KIR3DL1: variants seen among roughly 807,000 people sequenced by gnomAD.
The protein encoded by KIR3DL1 is killer cell immunoglobulin-like receptor 3DL1.
KIR3DL1 carries 50 observed loss-of-function variants against 40.3 expected under a neutral mutation model. The observed-to-expected ratio is 1.24, with a 90% CI of 0.99 to 1.57. The LOEUF is 1.57. Among genes scored for constraint, KIR3DL1 ranks in the 40% most tolerant of loss-of-function variants. The pLI, the probability that KIR3DL1 is intolerant of heterozygous loss-of-function variation, is 0.00. For synonymous variants in KIR3DL1, 257 were observed against 207.2 expected (o/e 1.24, Z -2.07); for missense variants, 661 against 559.9 (o/e 1.18, Z -1.82).
At chr19:54,823,358 T>A (rs547706036) in intron 5 of KIR3DL1, among the ~76,000 whole-genome samples, 1 of 151,344 alleles carries the variant, frequency 6.6e-6, no homozygotes, top group African/African-American at 2.4e-5. Context: ...TTTTAAAGAA[T>A]TTCCATACTT....
At chr19:54,818,335 C>T in exon 3 of KIR3DL1, 1 of 1,603,120 alleles carries the variant, frequency 6.2e-7, no homozygotes, top group Non-Finnish European at 8.5e-7. Context: ...CAAACCCTTC[C>T]TGTCTGCCTG....
intron 6 of KIR3DL1, among the ~76,000 whole-genome samples, chr19:54,825,412 G>C (rs1055100703): frequency 2.7e-5 from 4 of 145,912 alleles, no homozygotes; most frequent in Admixed American, 1.4e-4. Flanking sequence ...GGAAGGGAAG[G>C]GAACATCTGA....
chr19:54,829,184 C>T (rs200761878), intron 6 of KIR3DL1, among the ~76,000 whole-genome samples, 177 bp from the exon 7 acceptor site: 7,401 of 125,110 alleles, frequency 0.059, 597 homozygotes, highest in South Asian at 0.097. Flanking sequence ...CAGCACGTTC[C>T]ATGGTTACTA....
intron 5 of KIR3DL1, among the ~76,000 whole-genome samples, chr19:54,824,479 C>T (rs76248118): frequency 0.28 from 42,686 of 150,382 alleles, 7,142 homozygotes; most frequent in East Asian, 0.5. Flanking sequence ...GAGTTCAAGA[C>T]CAGGCTGGCC....
rs2062004039 is a variant in KIR3DL1 at position 54,828,118 on chromosome 19, C to T, written c.1001-1243C>T. Among the ~76,000 whole-genome samples, 2 of 150,812 alleles carry T rather than the reference C, an allele frequency of 1.3e-5. 1 individual carries two copies. Among genetic ancestry groups the T allele is most frequent in the African/African-American group, 4.9e-5 (2 of 40,488 alleles). ...CCCAGCCTCTGAGGTAGAACAGCAG[C>T]CTAACATGTGTCTCCCGAGATCACA... On this transcript the variant is annotated intron_variant, in intron 6 of 8. Coordinates refer to ENST00000391728, the Ensembl canonical transcript of KIR3DL1.
rs1373067290 is a variant in KIR3DL1, at chr19:54,819,484, T to C, written c.356-229T>C. The stretch of plus-strand genomic sequence containing the variant: ...TACAACAGCCCAAGAGATGAGGCTG[T>C]CTTCACAGTGGCAAGGGAGTCAGGG... On this transcript the variant is annotated intron_variant, in intron 3 of 8. Coordinates refer to ENST00000391728, the Ensembl canonical transcript of KIR3DL1. 2.6e-5 allele frequency among the ~76,000 whole-genome samples: 4 copies of C among 150,974 alleles called. 1 individual carries two copies. Among genetic ancestry groups the C allele is most frequent in the African/African-American group, 9.8e-5 (4 of 40,774 alleles).
rs1026417346 is a variant in KIR3DL1 at position 54,823,766 on chromosome 19, A to G, written c.950-1262A>G. 9.9e-5 allele frequency among the ~76,000 whole-genome samples: 15 copies of G among 151,584 alleles called. 1 individual carries two copies. Among genetic ancestry groups the G allele is most frequent in the African/African-American group, 3.2e-4 (13 of 41,066 alleles). ...CTCCGCCTCCTGAAGTGCCGGAATTACAGGCGTGAGCCACCGGCCTAAAAG... is the reference window on the plus strand; with the variant it reads ...CTCCGCCTCCTGAAGTGCCGGAATTGCAGGCGTGAGCCACCGGCCTAAAAG... On this transcript the variant is annotated intron_variant, in intron 5 of 8. Coordinates refer to ENST00000391728, the Ensembl canonical transcript of KIR3DL1.
rs1456960097 is a variant in KIR3DL1, at chr19:54,830,626, C to G, written c.*351C>G. 5.7e-5 allele frequency: 18 copies of G among 318,202 alleles called. 1 individual carries two copies. The highest frequency in any genetic ancestry group is 3.2e-4 in the African/African-American group (15 of 46,340). 19.7% of individuals were successfully genotyped at this position (318,202 alleles called of 1,614,324 possible). On this transcript the variant is annotated 3_prime_UTR_variant, in exon 9 of 9. Transcript: ENST00000391728. ...AAACATACAAGAGGCTCCCTCTTGA[C>G]GTGGCACTTACCCACGTGCTGTTCC...
chr19:54,829,037 C>T (rs562017742), intron 6 of KIR3DL1, among the ~76,000 whole-genome samples: 1 of 142,966 alleles, frequency 7.0e-6, no homozygotes, highest in East Asian at 2.1e-4. Flanking sequence ...CTCCTTGGGA[C>T]AGCATTGATC....
chr19:54,822,186 T>C lies in KIR3DL1; in HGVS notation c.949+328T>C, dbSNP rs980568882. On this transcript the variant is annotated intron_variant, in intron 5 of 8. Transcript: ENST00000391728. ...TTATCCATTTCCCAGAAGCCCATCA[T>C]GGCCTCTCACCCACACAGAGAGATA... 7.9e-5 allele frequency among the ~76,000 whole-genome samples: 12 copies of C among 151,302 alleles called. 1 individual carries two copies. Among genetic ancestry groups the C allele is most frequent in the Admixed American group, 4.6e-4 (7 of 15,200 alleles).
Position 54,819,840 on chromosome 19 carries a change from TAA to T in KIR3DL1, c.484_485del (p.Lys162GlyfsTer11). 2.5e-6 allele frequency: 4 copies of T among 1,611,970 alleles called. No homozygotes were observed. In the African/African-American group the frequency reaches 5.4e-5, roughly 22 times the overall value. ...TCTTTCTGCACAAAGAGGGGATCTC[TAA>T]GGACCCCTCACGCCTCGTTGGACAG... On this transcript the variant is annotated frameshift_variant, in exon 4 of 9. Coordinates refer to ENST00000391728, the Ensembl canonical transcript of KIR3DL1. LOFTEE classifies it high-confidence loss of function.
exon 9 of KIR3DL1, chr19:54,830,526 C>A: frequency 1.9e-6 from 1 of 514,722 alleles, no homozygotes; most frequent in Non-Finnish European, 3.4e-6. Flanking sequence ...TTGACCCCTG[C>A]CCACCTCTCC....
chr19:54,827,416 C>A (rs1229961469), intron 6 of KIR3DL1, among the ~76,000 whole-genome samples: 1 of 149,486 alleles, frequency 6.7e-6, no homozygotes, highest in Non-Finnish European at 1.5e-5. Context: ...CATGGAGAAA[C>A]CCTATCTCTA....
At chr19:54,821,257 A>T (rs2061618793) in intron 4 of KIR3DL1, among the ~76,000 whole-genome samples, 1 of 137,930 alleles carries the variant, frequency 7.3e-6, no homozygotes, top group Admixed American at 7.5e-5. Flanking sequence ...GTTATGAACA[A>T]GACAGAAAGT....
exon 9 of KIR3DL1, chr19:54,830,266 C>T: frequency 1.3e-6 from 2 of 1,524,302 alleles, no homozygotes; most frequent in East Asian, 2.3e-5. Context: ...AAGTTGTCTC[C>T]TGCCCATGAG....
chr19:54,830,013 T>C, intron 8 of KIR3DL1, 33 bp downstream of exon 8: 1 of 1,525,108 alleles, frequency 6.6e-7, no homozygotes, highest in Non-Finnish European at 8.9e-7. Flanking sequence ...TCGTGGCTAG[T>C]GTTATTCCCA....
Position 54,829,484 on chromosome 19 carries a change from A to C in KIR3DL1, c.1105+19A>C, listed in dbSNP as rs375348510. The C allele has an allele frequency of 6.3e-6, 9 of 1,424,138 alleles. 1 individual carries two copies. The highest frequency in any genetic ancestry group is 8.6e-6 in the Non-Finnish European group (9 of 1,044,752). The allele number at this position is 1,424,138 out of a possible 1,614,324, so 88.2% of individuals were successfully genotyped here. On this transcript the variant is annotated intron_variant, in intron 7 of 8. Coordinates refer to ENST00000391728, the Ensembl canonical transcript of KIR3DL1. ...AAAAAAAGTAAGTCTCACGGGGCAC[A>C]GGCCAGAGAGCTCAGGGCCATGTGG...
intron 2 of KIR3DL1, 96 bp from the exon 3 acceptor site, chr19:54,818,219 C>A (rs766383786): frequency 5.1e-6 from 7 of 1,377,910 alleles, no homozygotes; most frequent in Non-Finnish European, 7.0e-6. Flanking sequence ...GTGGTAGGAG[C>A]CTTAGAAAGT....
intron 6 of KIR3DL1, among the ~76,000 whole-genome samples, chr19:54,827,882 C>A (rs1263519370): frequency 1.5e-4 from 22 of 150,198 alleles, no homozygotes; most frequent in African/African-American, 5.5e-4. Flanking sequence ...AACTTGCCCC[C>A]TCACCCAAAT....
Sources: allele counts gnomAD v4.1 joint callset (sites outside exome capture counted in the v4.1 genomes callset), GRCh38; gene constraint gnomAD v4.1.1; transcripts MANE v1.5; gene names NCBI Gene and HGNC (gene_info 2026-07-23, HGNC 2026-07-21).